LHFPL2: variants seen among roughly 807,000 people sequenced by gnomAD.
LHFPL2 encodes the protein LHFPL tetraspan subfamily member 2.
LHFPL2 carries 7 observed loss-of-function variants against 17.5 expected under a neutral mutation model. The ratio of observed to expected loss-of-function variants is 0.40; its 90% confidence interval spans 0.23 to 0.75. The LOEUF (loss-of-function observed/expected upper bound fraction) is 0.75. Among genes scored for constraint, LHFPL2 ranks in the 30% least tolerant of loss-of-function variants. The pLI, the probability that LHFPL2 is intolerant of heterozygous loss-of-function variation, is 0.37. For missense variants in LHFPL2, 241 were observed against 294.8 expected (o/e 0.82, Z 1.34); for synonymous variants, 134 against 116.2 (o/e 1.15, Z -0.99).
chr5:78,518,766 T>A (rs1755362647), intron 3 of LHFPL2, among the ~76,000 whole-genome samples: 1 of 152,212 alleles, frequency 6.6e-6, no homozygotes, highest in African/African-American at 2.4e-5. Context: ...AACCCCTTTT[T>A]AAAAAGTCTG....
At chr5:78,632,161 A>G (rs1425880198) in intron 2 of LHFPL2, 103 bp downstream of exon 2, 1 of 152,210 alleles carries the variant, frequency 6.6e-6, no homozygotes, top group Non-Finnish European at 1.5e-5. Context: ...CACCTTTCTT[A>G]GAGAAGATGC....
chr5:78,643,279 GA>G (rs1288323964), intron 1 of LHFPL2, among the ~76,000 whole-genome samples: 1 of 151,880 alleles, frequency 6.6e-6, no homozygotes, highest in Non-Finnish European at 1.5e-5. Context: ...GAAAAAAAAA[GA>G]AAAAACAAAA....
chr5:78,525,484 G>A (rs1206822387), intron 3 of LHFPL2, among the ~76,000 whole-genome samples: 1 of 152,108 alleles, frequency 6.6e-6, no homozygotes, highest in Non-Finnish European at 1.5e-5. Flanking sequence ...TCATTCATGG[G>A]GTCATTAATA....
At position 78,523,431 on chromosome 5, in the gene LHFPL2, C is replaced by G. The variant is rs182925884; in HGVS notation, c.-185-13033G>C. 8.2e-3 allele frequency among the ~76,000 whole-genome samples: 1,246 copies of G among 152,160 alleles called. 13 individuals carry two copies. Among genetic ancestry groups the G allele is most frequent in the Non-Finnish European group, 9.5e-3 (649 of 68,004 alleles). Reference sequence around the variant, plus strand: ...AGCCTGGGGTAGGATGGAGCTCCCCCACAGTGAGGGGGTAGAAGAAGGCGG... The same window carrying G: ...AGCCTGGGGTAGGATGGAGCTCCCCGACAGTGAGGGGGTAGAAGAAGGCGG... On this transcript the variant is annotated intron_variant, in intron 3 of 4. Transcript: ENST00000380345.
intron 2 of LHFPL2, among the ~76,000 whole-genome samples, chr5:78,572,692 C>T (rs1404352283): frequency 2.0e-5 from 3 of 151,906 alleles, no homozygotes; most frequent in Non-Finnish European, 4.4e-5. Context: ...AGGAGTTACT[C>T]AAGAGTTGTT....
intron 2 of LHFPL2, among the ~76,000 whole-genome samples, chr5:78,619,692 C>T (rs1338327813): frequency 7.3e-6 from 1 of 137,862 alleles, no homozygotes; most frequent in Non-Finnish European, 1.5e-5. Context: ...TAATGATCCC[C>T]TTCCTGTGTC....
intron 3 of LHFPL2, among the ~76,000 whole-genome samples, chr5:78,542,164 C>T (rs1025871275): frequency 1.7e-4 from 25 of 151,310 alleles, no homozygotes; most frequent in African/African-American, 6.1e-4. Context: ...CCTTCCACAT[C>T]CTTCAAAAAT....
At chr5:78,561,897 G>T (rs1283523001) in intron 3 of LHFPL2, among the ~76,000 whole-genome samples, 1 of 152,082 alleles carries the variant, frequency 6.6e-6, no homozygotes, top group Non-Finnish European at 1.5e-5. Context: ...CCTAGTAGAG[G>T]CCCCTTATGC....
chr5:78,569,430 C>G (rs73146012), intron 2 of LHFPL2, among the ~76,000 whole-genome samples: 156 of 152,288 alleles, frequency 1.0e-3, no homozygotes, highest in African/African-American at 3.6e-3. Context: ...AAGAGCACTC[C>G]CCATTTCTGC....
chr5:78,579,428 G>C (rs940629299), intron 2 of LHFPL2, among the ~76,000 whole-genome samples: 1 of 152,012 alleles, frequency 6.6e-6, no homozygotes, highest in African/African-American at 2.4e-5. Flanking sequence ...TGCCATGCTG[G>C]TGCGCTGCAC....
rs151307649 is a variant in LHFPL2 at position 78,561,746 on chromosome 5, C to T, written c.-186+3067G>A. ...TGTATGCCCCAGTCTTCAAACAGTA[C>T]ATCATTTACTCTCAGAGAAATCAGG... On this transcript the variant is annotated intron_variant, in intron 3 of 4. Transcript: ENST00000380345. Among the ~76,000 whole-genome samples the T allele has an allele frequency of 7.9e-3, 1,209 of 152,312 alleles. 13 individuals are homozygous for T. Among genetic ancestry groups the T allele is most frequent in the African/African-American group, 0.026 (1,069 of 41,558 alleles).
At chr5:78,605,298 C>T (rs757485010) in intron 2 of LHFPL2, among the ~76,000 whole-genome samples, 6 of 152,300 alleles carry the variant, frequency 3.9e-5, no homozygotes, top group African/African-American at 7.2e-5. Flanking sequence ...AGGCAATCAA[C>T]GCAACTTCAA....
intron 2 of LHFPL2, chr5:78,626,755 G>GTT (rs1745048263): frequency 6.6e-6 from 1 of 152,138 alleles, no homozygotes; most frequent in African/African-American, 2.4e-5. Flanking sequence ...CAACTCAAGA[G>GTT]AAGTTTTTTT....
chr5:78,492,313 A>G (rs1398839433), intron 4 of LHFPL2, among the ~76,000 whole-genome samples: 1 of 152,214 alleles, frequency 6.6e-6, no homozygotes, highest in African/African-American at 2.4e-5. Flanking sequence ...TGCACATTGC[A>G]CTTGTATTAT....
At chr5:78,569,079 G>T (rs1453753035) in intron 2 of LHFPL2, among the ~76,000 whole-genome samples, 1 of 152,098 alleles carries the variant, frequency 6.6e-6, no homozygotes, top group Non-Finnish European at 1.5e-5. Context: ...AACGTAAGAT[G>T]CCTGCAACCA....
At chr5:78,561,711 G>A (rs1255008330) in intron 3 of LHFPL2, among the ~76,000 whole-genome samples, 1 of 152,128 alleles carries the variant, frequency 6.6e-6, no homozygotes, top group Non-Finnish European at 1.5e-5. Context: ...GATTCATTAG[G>A]TGCTAGTTCT....
intron 1 of LHFPL2, among the ~76,000 whole-genome samples, chr5:78,632,766 T>A (rs1286663317): frequency 6.6e-6 from 1 of 152,196 alleles, no homozygotes; most frequent in East Asian, 1.9e-4. Context: ...ACGACTTTGA[T>A]GCAGCTGATA....
chr5:78,591,882 A>C (rs1465190758), intron 2 of LHFPL2, among the ~76,000 whole-genome samples: 2 of 152,184 alleles, frequency 1.3e-5, no homozygotes, highest in Non-Finnish European at 2.9e-5. Context: ...AGCACATATA[A>C]TCACCAGGTT....
At chr5:78,573,058 C>T (rs772506299) in intron 2 of LHFPL2, among the ~76,000 whole-genome samples, 1 of 152,112 alleles carries the variant, frequency 6.6e-6, no homozygotes, top group Non-Finnish European at 1.5e-5. Context: ...CCCAAAAAGG[C>T]TTGGGCACCC....
Sources: gnomAD v4.1 joint callset for allele counts (sites outside exome capture counted in the v4.1 genomes callset) on GRCh38, gnomAD v4.1.1 for gene constraint, MANE v1.5 for transcripts, NCBI Gene and HGNC (gene_info 2026-07-23, HGNC 2026-07-21) for gene names.